Variants in RAP1B observed in about 807,000 individuals in gnomAD.
RAP1B encodes the protein ras-related protein Rap-1b.
A neutral mutation model predicts 27.5 loss-of-function variants in RAP1B; 1 was observed. That is an observed-to-expected ratio of 0.04 (90% CI 0.01 to 0.17). The LOEUF (loss-of-function observed/expected upper bound fraction) is 0.17, where lower values mean the gene tolerates loss of function less well. RAP1B is among the 10% of genes least tolerant of loss of function. RAP1B has a pLI of 1.00. For synonymous variants in RAP1B, 75 were observed against 73.1 expected, an observed-to-expected ratio of 1.03 and a Z score of -0.13; for missense variants, 84 against 214.8, an observed-to-expected ratio of 0.39 and a Z score of 3.81.
In RAP1B at chr12:68,659,579, C is replaced by T. The variant is rs1874482726; in HGVS notation, c.*330C>T. The T allele has an allele frequency of 9.4e-6, 2 of 212,398 alleles. No homozygotes were observed. Among genetic ancestry groups the T allele is most frequent in the Non-Finnish European group, 1.9e-5 (2 of 103,006 alleles). The allele number at this position is 212,398 out of a possible 1,614,324, so 13.2% of individuals were successfully genotyped here. ...TGGTGTACTGTATACTTTAACATGC[C>T]CCATACTTTGTATTGGAGAGTACAA... On this transcript the variant is annotated 3_prime_UTR_variant, in exon 8 of 8. Transcript: ENST00000250559.
Position 68,610,961 on chromosome 12 carries a change from A to G in RAP1B, c.-109A>G, listed in dbSNP as rs1200872774. Reference sequence around the variant, plus strand: ...CCAGCCGGAGCGGCGCGGCAGCGGCAGGACCGCCGTGGCGCCTAGAGTAGC... The same window carrying G: ...CCAGCCGGAGCGGCGCGGCAGCGGCGGGACCGCCGTGGCGCCTAGAGTAGC... On this transcript the variant is annotated 5_prime_UTR_variant, in exon 1 of 8. Coordinates refer to ENST00000250559, the MANE Select transcript of RAP1B (RefSeq NM_001010942.3). 6.4e-6 allele frequency: 2 copies of G among 311,800 alleles called. No homozygotes were observed. The highest frequency in any genetic ancestry group is 1.2e-5 in the Non-Finnish European group (2 of 169,602). 19.3% of individuals were successfully genotyped at this position (311,800 alleles called of 1,614,324 possible).
At chr12:68,639,175 G>A (rs960938558) in intron 1 of RAP1B, among the ~76,000 whole-genome samples, 1 of 152,046 alleles carries the variant, frequency 6.6e-6, no homozygotes, top group Admixed American at 6.5e-5. Flanking sequence ...GACTTTACCC[G>A]TAAAGCATTC....
At chr12:68,613,573 A>G (rs535944607) in intron 1 of RAP1B, among the ~76,000 whole-genome samples, 1 of 152,162 alleles carries the variant, frequency 6.6e-6, no homozygotes, top group Non-Finnish European at 1.5e-5. Context: ...CACAAGATAT[A>G]TATTGTTTTG....
chr12:68,656,060 C>T (rs1874182674), intron 5 of RAP1B, among the ~76,000 whole-genome samples: 1 of 152,098 alleles, frequency 6.6e-6, no homozygotes, highest in South Asian at 2.1e-4. Context: ...CTCTTTTCTT[C>T]CCTTTGGAGT....
intron 3 of RAP1B, among the ~76,000 whole-genome samples, chr12:68,651,478 A>G (rs1476036012): frequency 1.3e-5 from 2 of 152,138 alleles, no homozygotes; most frequent in African/African-American, 4.8e-5. Context: ...TCCCTAGGAA[A>G]TATTAGATGG....
rs982107860 is a variant in RAP1B at position 68,664,708 on chromosome 12, AAAAG to A, written c.*5463_*5466del. The A allele has an allele frequency of 2.0e-5, 3 of 151,958 alleles. No individual in the cohort carries two copies. Among genetic ancestry groups the A allele is most frequent in the Non-Finnish European group, 4.4e-5 (3 of 68,012 alleles). 9.4% of individuals were successfully genotyped at this position (151,958 alleles called of 1,614,324 possible). A position where few individuals can be genotyped will look rare whatever the true frequency, so the allele number is the denominator to read the frequency against. Reference sequence around the variant, plus strand: ...TGGGCAACAGAGTGAGACTGCAAAAAAAAGAAAAAGAAAAAAAAATCCAGTCTCT... The same window carrying A: ...TGGGCAACAGAGTGAGACTGCAAAAAAAAAAGAAAAAAAAATCCAGTCTCT... On this transcript the variant is annotated 3_prime_UTR_variant, in exon 8 of 8. Coordinates refer to ENST00000250559, the MANE Select transcript of RAP1B (RefSeq NM_001010942.3).
chr12:68,656,229 ACT>A, intron 5 of RAP1B, 75 bp from the exon 6 acceptor site: 5 of 1,304,800 alleles, frequency 3.8e-6, no homozygotes, highest in East Asian at 4.7e-5. Context: ...CTTAGATTTG[ACT>A]CTTAGAATTC....
chr12:68,638,603 A>G (rs1380088313), intron 1 of RAP1B, among the ~76,000 whole-genome samples: 1 of 152,210 alleles, frequency 6.6e-6, no homozygotes, highest in East Asian at 1.9e-4. Flanking sequence ...TAATATTTAG[A>G]TTATATTAAA....
At position 68,657,725 on chromosome 12, in the gene RAP1B, AACACACACACACACACACACACACAC is replaced by A. The variant is rs61700927; in HGVS notation, c.*30+531_*30+556del. The A allele has an allele frequency of 2.2e-3, 278 of 126,230 alleles. 1 individual carries two copies. In the South Asian group the frequency reaches 0.034, roughly 15 times the overall value. 7.8% of individuals were successfully genotyped at this position (126,230 alleles called of 1,614,324 possible). ...CCAGCCAACCCCGTCCCTAATTTAA[AACACACACACACACACACACACACAC>A]ACACACACACACACACACACACGTG... On this transcript the variant is annotated intron_variant, in intron 7 of 7. Coordinates refer to ENST00000250559, the MANE Select transcript of RAP1B (RefSeq NM_001010942.3).
intron 1 of RAP1B, among the ~76,000 whole-genome samples, chr12:68,622,875 C>T (rs993544863): frequency 2.0e-5 from 3 of 152,150 alleles, no homozygotes; most frequent in Non-Finnish European, 4.4e-5. Context: ...TTTTTCTTCA[C>T]TCTTTTGGTA....
At position 68,663,169 on chromosome 12, in the gene RAP1B, T is replaced by C. The variant is rs1379887287; in HGVS notation, c.*3920T>C. 2 of 152,004 alleles carry C rather than the reference T, an allele frequency of 1.3e-5. No individual in the cohort carries two copies. Among genetic ancestry groups the C allele is most frequent in the African/African-American group, 4.8e-5 (2 of 41,348 alleles). 9.4% of individuals were successfully genotyped at this position (152,004 alleles called of 1,614,324 possible). A position where few individuals can be genotyped will look rare whatever the true frequency, so the allele number is the denominator to read the frequency against. The stretch of plus-strand genomic sequence containing the variant: ...ACCTCTGCCTCCCAGGTTCAAGCAA[T>C]TCTTCTGCCTCAGCCTCCTGAATAG... On this transcript the variant is annotated 3_prime_UTR_variant, in exon 8 of 8. Transcript: ENST00000250559.
chr12:68,648,944 G>A, intron 2 of RAP1B, 163 bp downstream of exon 2: 2 of 625,322 alleles, frequency 3.2e-6, no homozygotes, highest in East Asian at 2.9e-5. Context: ...AATTATATCT[G>A]GGTGGATCAT....
chr12:68,633,824 C>A (rs759823198), intron 1 of RAP1B, among the ~76,000 whole-genome samples: 1 of 152,060 alleles, frequency 6.6e-6, no homozygotes, highest in Non-Finnish European at 1.5e-5. Flanking sequence ...GAGCTGAGAT[C>A]GTGCCACTGC....
At position 68,660,946 on chromosome 12, in the gene RAP1B, G is replaced by C. The variant is rs1340703476; in HGVS notation, c.*1697G>C. On this transcript the variant is annotated 3_prime_UTR_variant, in exon 8 of 8. Coordinates refer to ENST00000250559, the MANE Select transcript of RAP1B (RefSeq NM_001010942.3). ...TTGAGTGATGTGGATTAAGCACTTA[G>C]AGAATCGATATTTTTCTTAAATATG... 2 of 152,098 alleles carry C rather than the reference G, an allele frequency of 1.3e-5. No individual in the cohort carries two copies. Among genetic ancestry groups the C allele is most frequent in the African/African-American group, 4.8e-5 (2 of 41,428 alleles). The allele number at this position is 152,098 out of a possible 1,614,324, so 9.4% of individuals were successfully genotyped here.
At chr12:68,656,228 G>C in intron 5 of RAP1B, 78 bp from the exon 6 acceptor site, 1 of 1,282,950 alleles carries the variant, frequency 7.8e-7, no homozygotes, top group Non-Finnish European at 1.1e-6. Context: ...TCTTAGATTT[G>C]ACTCTTAGAA....
In RAP1B at chr12:68,669,572, G is replaced by C. The variant is rs1874992199; in HGVS notation, c.*10323G>C. On this transcript the variant is annotated 3_prime_UTR_variant, in exon 8 of 8. Coordinates refer to ENST00000250559, the MANE Select transcript of RAP1B (RefSeq NM_001010942.3). Reference sequence around the variant, plus strand: ...AATCCCAGCACTTTCGGAGGCCGAGGGGGGCGGATCACGAGGTCAGGAGAT... The same window carrying C: ...AATCCCAGCACTTTCGGAGGCCGAGCGGGGCGGATCACGAGGTCAGGAGAT... 1 of 152,200 alleles carries C rather than the reference G, an allele frequency of 6.6e-6. No individual in the cohort carries two copies. Among genetic ancestry groups the C allele is most frequent in the African/African-American group, 2.4e-5 (1 of 41,444 alleles). The allele number at this position is 152,200 out of a possible 1,614,324, so 9.4% of individuals were successfully genotyped here. A position where few individuals can be genotyped will look rare whatever the true frequency, so the allele number is the denominator to read the frequency against.
At chr12:68,637,767 A>G (rs533147425) in intron 1 of RAP1B, among the ~76,000 whole-genome samples, 12 of 152,270 alleles carry the variant, frequency 7.9e-5, no homozygotes, top group East Asian at 5.8e-4. Flanking sequence ...GTGTATAAGG[A>G]AAAACTGAGT....
At chr12:68,648,804 A>G (rs997474984) in intron 2 of RAP1B, 23 bp downstream of exon 2, 3 of 1,594,052 alleles carry the variant, frequency 1.9e-6, no homozygotes, top group African/African-American at 2.7e-5. Flanking sequence ...TACTTTACCT[A>G]AGCCTTTCAC....
intron 1 of RAP1B, among the ~76,000 whole-genome samples, chr12:68,614,777 TAC>T (rs1311961200): frequency 7.2e-5 from 11 of 152,234 alleles, no homozygotes; most frequent in African/African-American, 2.7e-4. Context: ...AGGAGTACTG[TAC>T]CATGGCTCTG....
Sources: gnomAD v4.1 joint callset for allele counts (sites outside exome capture counted in the v4.1 genomes callset) on GRCh38, gnomAD v4.1.1 for gene constraint, MANE v1.5 for transcripts, NCBI Gene and HGNC (gene_info 2026-07-23, HGNC 2026-07-21) for gene names.